The following MAU2 variants were observed in gnomAD, a reference collection of about 807,000 sequenced individuals.
MAU2 encodes the protein MAU2 sister chromatid cohesion factor, also known as MAU2 chromatid cohesion factor homolog.
A neutral mutation model predicts 89.1 loss-of-function variants in MAU2; 9 were observed. The ratio of observed to expected loss-of-function variants is 0.10; its 90% CI spans 0.06 to 0.18. The LOEUF is 0.18. Among genes scored for constraint, MAU2 ranks in the 10% least tolerant of loss-of-function variants. The pLI is 1.00. For missense variants in MAU2, 425 were observed against 803.5 expected (o/e 0.53, Z 5.69); for synonymous variants, 357 against 343.4 (o/e 1.04, Z -0.44).
rs1349725172 is a variant in MAU2 at position 19,356,523 on chromosome 19, C to T, written c.*741C>T. ...GTGGAGATGGAGCTGGGAGCTGAGG[C>T]TCCTGTTGCACCAGCCACCTTCCCC... On this transcript the variant is annotated 3_prime_UTR_variant, in exon 19 of 19. Coordinates refer to ENST00000262815, the MANE Select transcript of MAU2 (RefSeq NM_015329.4). 2 of 163,736 alleles carry T rather than the reference C, an allele frequency of 1.2e-5. No homozygotes were observed. The highest frequency in any genetic ancestry group is 4.8e-5 in the African/African-American group (2 of 41,564). The allele number at this position is 163,736 out of a possible 1,614,324, so 10.1% of individuals were successfully genotyped here.
chr19:19,353,233 T>C (rs927679482), intron 16 of MAU2: 2 of 152,150 alleles, frequency 1.3e-5, no homozygotes, highest in Admixed American at 6.5e-5. Context: ...CAAGCTGGCA[T>C]TGGGGGAACC....
chr19:19,335,611 C>T, intron 1 of MAU2, 107 bp from the exon 2 acceptor site: 1 of 1,131,772 alleles, frequency 8.8e-7, no homozygotes, highest in South Asian at 1.3e-5. Context: ...ACCTGGATAC[C>T]TGGCAGCCTC....
chr19:19,340,849 G>A lies in MAU2; in HGVS notation c.555G>A (p.Ala185=), dbSNP rs1314523375. ...ACCCCTGCCTCTTGTTTTGCAGGGC[G>A]CTGTTCCTCCTCAGCAAGGGGATGG... is the stretch of plus-strand genomic sequence containing the variant. ...ARVVGSEYTR[A]LFLLSKGMLL... is the part of the protein sequence containing the mutation. The change falls in exon 6 of 19, where the codon GCG becomes GCA. Residue 185 remains alanine, a synonymous_variant. Coordinates refer to ENST00000262815, the MANE Select transcript of MAU2 (RefSeq NM_015329.4). The A allele has an allele frequency of 5.6e-6, 9 of 1,613,382 alleles. No homozygotes were observed. The East Asian group carries it at 8.9e-5, about 16-fold the overall frequency.
chr19:19,349,473 T>G, intron 16 of MAU2, 37 bp downstream of exon 16: 8 of 1,578,346 alleles, frequency 5.1e-6, no homozygotes, highest in Non-Finnish European at 6.1e-6. Context: ...CTTGGGTGCC[T>G]GTGGGGCTTG....
intron 1 of MAU2, chr19:19,334,165 CCA>C (rs1250879252): frequency 4.1e-6 from 4 of 985,312 alleles, no homozygotes; most frequent in East Asian, 2.3e-4. Flanking sequence ...GCCACTGTCC[CCA>C]CACACAGCCT....
Position 19,348,903 on chromosome 19 carries a change from G to A in MAU2, c.1323G>A (p.Leu441=), listed in dbSNP as rs2061717780. 1 of 1,613,958 alleles carries A rather than the reference G, an allele frequency of 6.2e-7. No homozygotes were observed. The highest frequency in any genetic ancestry group is 8.5e-7 in the Non-Finnish European group (1 of 1,180,008). Residue 441 remains leucine, a synonymous_variant, in exon 14 of 19, where the codon CTG becomes CTA. Transcript: ENST00000262815. The part of the protein sequence containing the change: ...NRHQEVLYSL[L]ERINPDHSFP... ...TTCCCCCGCAGCTCTACAGTCTGCT[G>A]GAGAGGATCAACCCGGACCACAGCT...
intron 17 of MAU2, 40 bp from the exon 18 acceptor site, chr19:19,355,224 C>T: frequency 6.2e-6 from 10 of 1,612,540 alleles, no homozygotes; most frequent in Non-Finnish European, 8.5e-6. Flanking sequence ...TGGGCAGTGA[C>T]AGGGCAAGGC....
rs1321040808 is a variant in MAU2 at position 19,341,341 on chromosome 19, C to G, written c.669C>G (p.Ile223Met). The G allele has an allele frequency of 3.1e-6, 5 of 1,613,728 alleles. No individual in the cohort carries two copies. The highest frequency in any genetic ancestry group is 2.7e-5 in the African/African-American group (2 of 74,942). Residue 223 changes from isoleucine to methionine, a missense_variant, in exon 7 of 19, where the codon ATC becomes ATG. By Grantham distance (10) the Ile-to-Met change is conservative. Transcript: ENST00000262815. ...TGGAGAACTGGCAGGGGAACCCCAT[C>G]CAGAAGGAGTCGCTGCGTGTCTTCT... The part of the protein sequence containing the change: ...QIVENWQGNP[I>M]QKESLRVFFL...
intron 1 of MAU2, among the ~76,000 whole-genome samples, chr19:19,327,466 C>T (rs535698804): frequency 2.0e-4 from 31 of 152,214 alleles, no homozygotes; most frequent in Admixed American, 9.8e-4. Context: ...GCTGGAACTA[C>T]AGGCGCCTGC....
intron 5 of MAU2, 102 bp downstream of exon 5, chr19:19,339,041 C>A: frequency 1.2e-6 from 1 of 858,176 alleles, no homozygotes; most frequent in South Asian, 1.7e-5. Context: ...AGGTGAAGTA[C>A]AGTAGCTCAC....
Position 19,342,523 on chromosome 19 carries a change from G to A in MAU2, c.736-12G>A, listed in dbSNP as rs1047814620. 1.3e-6 allele frequency: 2 copies of A among 1,551,074 alleles called. No homozygotes were observed. Among genetic ancestry groups the A allele is most frequent in the Non-Finnish European group, 1.7e-6 (2 of 1,146,658 alleles). ...AGGCTCAGGTGGATGCTCGGGTGTG[G>A]GTGCTGCACAGGTGAAGAGCGTGAA... On this transcript the variant is annotated splice_polypyrimidine_tract_variant and intron_variant, in intron 7 of 18. Transcript: ENST00000262815.
chr19:19,340,899 A>T (rs2061639470), intron 6 of MAU2, 26 bp downstream of exon 6: 2 of 1,612,574 alleles, frequency 1.2e-6, no homozygotes, highest in African/African-American at 1.3e-5. Flanking sequence ...GCATGGCTGG[A>T]TGCAGCTGGT....
chr19:19,324,662 C>A (rs2061489732), intron 1 of MAU2, among the ~76,000 whole-genome samples: 1 of 152,204 alleles, frequency 6.6e-6, no homozygotes, highest in African/African-American at 2.4e-5. Flanking sequence ...AACCCTTCTC[C>A]TTGCGAAGTG....
chr19:19,324,840 C>A (rs2061491454), intron 1 of MAU2, among the ~76,000 whole-genome samples: 1 of 152,210 alleles, frequency 6.6e-6, no homozygotes, highest in Admixed American at 6.5e-5. Context: ...GTTTTCTATA[C>A]TGTTTTCCTT....
intron 17 of MAU2, chr19:19,354,696 T>C (rs1489034556): frequency 1.9e-6 from 1 of 534,392 alleles, no homozygotes. Context: ...TGGTATCTGG[T>C]AGACTTGGGC....
chr19:19,349,630 G>A (rs1226290277), intron 16 of MAU2, among the ~76,000 whole-genome samples, 194 bp downstream of exon 16: 1 of 152,200 alleles, frequency 6.6e-6, no homozygotes, highest in Non-Finnish European at 1.5e-5. Context: ...CAGAGGGTGT[G>A]GGGGGAAGGC....
chr19:19,328,361 G>C (rs180940831), intron 1 of MAU2, among the ~76,000 whole-genome samples: 23 of 151,248 alleles, frequency 1.5e-4, no homozygotes, highest in Admixed American at 1.2e-3. Context: ...GATCCATCTT[G>C]GTCATTTGGA....
chr19:19,336,492 T>C (rs1365643028), intron 3 of MAU2, among the ~76,000 whole-genome samples: 1 of 152,042 alleles, frequency 6.6e-6, no homozygotes, highest in Non-Finnish European at 1.5e-5. Flanking sequence ...CTAGAGATGA[T>C]CTCGCCCAGG....
Position 19,356,525 on chromosome 19 carries a change from C to T in MAU2, c.*743C>T, listed in dbSNP as rs1599932445. 6.2e-6 allele frequency: 1 copy of T among 162,424 alleles called. No individual in the cohort carries two copies. Among genetic ancestry groups the T allele is most frequent in the East Asian group, 1.8e-4 (1 of 5,490 alleles). 10.1% of individuals were successfully genotyped at this position (162,424 alleles called of 1,614,324 possible). A position where few individuals can be genotyped will look rare whatever the true frequency, so the allele number is the denominator to read the frequency against. ...GGAGATGGAGCTGGGAGCTGAGGCT[C>T]CTGTTGCACCAGCCACCTTCCCCCA... On this transcript the variant is annotated 3_prime_UTR_variant, in exon 19 of 19. Transcript: ENST00000262815.
Sources: gnomAD v4.1 joint callset for allele counts (sites outside exome capture counted in the v4.1 genomes callset) on GRCh38, gnomAD v4.1.1 for gene constraint, MANE v1.5 for transcripts, NCBI Gene and HGNC (gene_info 2026-07-23, HGNC 2026-07-21) for gene names.